SYK: variants seen among roughly 807,000 people sequenced by gnomAD.
SYK encodes the protein tyrosine-protein kinase SYK.
Under a neutral mutation model 77.8 loss-of-function variants are expected in SYK, and 16 were observed. That is an observed-to-expected ratio of 0.21 (90% CI 0.14 to 0.31). The LOEUF (loss-of-function observed/expected upper bound fraction) is 0.31, where lower values mean the gene tolerates loss of function less well. Ranked by LOEUF, SYK falls within the 10% of genes least tolerant of loss-of-function variation. The pLI is 1.00. For missense variants in SYK, 529 were observed against 814.4 expected, an observed-to-expected ratio of 0.65 and a Z score of 4.26; for synonymous variants, 312 against 308.7, an observed-to-expected ratio of 1.01 and a Z score of -0.11.
chr9:90,845,746 C>A, intron 3 of SYK, 152 bp downstream of exon 3: 1 of 858,366 alleles, frequency 1.2e-6, no homozygotes, highest in Non-Finnish European at 1.7e-6. Context: ...GTTCTAAAGA[C>A]ATTTCTAACC....
intron 1 of SYK, among the ~76,000 whole-genome samples, chr9:90,805,195 G>T (rs929222342): frequency 6.6e-6 from 1 of 152,256 alleles, no homozygotes; most frequent in Non-Finnish European, 1.5e-5. Flanking sequence ...GGTGGAGCAA[G>T]CGAGGACAGT....
chr9:90,855,403 C>A (rs974122182), intron 3 of SYK, among the ~76,000 whole-genome samples: 3 of 152,140 alleles, frequency 2.0e-5, no homozygotes, highest in Non-Finnish European at 2.9e-5. Flanking sequence ...GGTATGTTAT[C>A]TGGTGTCCCC....
intron 5 of SYK, among the ~76,000 whole-genome samples, 163 bp from the exon 6 acceptor site, chr9:90,864,885 A>T (rs978170777): frequency 2.0e-5 from 3 of 152,198 alleles, no homozygotes; most frequent in Admixed American, 6.5e-5. Flanking sequence ...TCTTCATTGC[A>T]TGCGGGAAAA....
intron 1 of SYK, among the ~76,000 whole-genome samples, chr9:90,818,785 G>A (rs935523753): frequency 1.3e-5 from 2 of 152,320 alleles, no homozygotes; most frequent in Non-Finnish European, 1.5e-5. Context: ...ATCTGCTCAA[G>A]GCTGGCTAGC....
chr9:90,860,066 G>A (rs893728748), intron 3 of SYK, among the ~76,000 whole-genome samples: 2 of 152,156 alleles, frequency 1.3e-5, no homozygotes, highest in African/African-American at 4.8e-5. Flanking sequence ...TTGGCTCACT[G>A]CAGCTTTCAC....
chr9:90,890,896 G>A (rs575087114), intron 13 of SYK, among the ~76,000 whole-genome samples: 1 of 152,276 alleles, frequency 6.6e-6, no homozygotes, highest in East Asian at 1.9e-4. Context: ...AAGAGCAGAG[G>A]TTTAATAGGC....
Position 90,828,235 on chromosome 9 carries a change from G to GCCCC in SYK, c.-41-15615_-41-15612dup, listed in dbSNP as rs60327886. Among the ~76,000 whole-genome samples, 153 of 55,390 alleles carry GCCCC rather than the reference G, an allele frequency of 2.8e-3. 1 individual carries two copies. Among genetic ancestry groups the GCCCC allele is most frequent in the South Asian group, 0.015 (19 of 1,260 alleles). The allele number at this position is 55,390 out of a possible 152,430, so 36.3% of individuals were successfully genotyped here. ...TGCAGTCTGCTGTGGCCTCACCCCC[G>GCCCC]CCCCCCCCCCCGCCCCGCCCAGGCC... On this transcript the variant is annotated intron_variant, in intron 1 of 13. Transcript: ENST00000375754.
At chr9:90,885,356 C>G (rs1828523070) in intron 11 of SYK, among the ~76,000 whole-genome samples, 1 of 152,042 alleles carries the variant, frequency 6.6e-6, no homozygotes, top group African/African-American at 2.4e-5. Flanking sequence ...AACAGAAATT[C>G]TGGAACTAAA....
In SYK at chr9:90,888,587, A is replaced by G. The variant is rs777894974; in HGVS notation, c.1795A>G (p.Arg599Gly). The change falls in exon 13 of 14, where the codon AGA becomes GGA. Residue 599 changes from arginine (R) to glycine (G), a missense_variant. By Grantham distance (125) the Arg-to-Gly change is moderately radical. This residue lies in a region of SYK where 208 missense variants were observed against 381.3 expected (regional missense o/e 0.55). Coordinates refer to ENST00000375754, the MANE Select transcript of SYK (RefSeq NM_003177.7). ...GATGGGGTGCCCTGCAGGGTGTCCA[A>G]GAGAGATGTACGATCTCATGAATCT... ...ERMGCPAGCP[R>G]EMYDLMNLCW... 1.2e-6 allele frequency: 2 copies of G among 1,611,300 alleles called. No homozygotes were observed. Among genetic ancestry groups the G allele is most frequent in the Non-Finnish European group, 1.7e-6 (2 of 1,178,958 alleles).
At chr9:90,861,568 GC>G (rs1827266108) in intron 3 of SYK, among the ~76,000 whole-genome samples, 3 of 112,798 alleles carry the variant, frequency 2.7e-5, no homozygotes, top group African/African-American at 9.7e-5. Context: ...TGGAAGTCCA[GC>G]CCTGCCTCCC....
At chr9:90,865,317 T>G (rs1192332119) in intron 6 of SYK, among the ~76,000 whole-genome samples, 3 of 152,024 alleles carry the variant, frequency 2.0e-5, no homozygotes, top group African/African-American at 7.2e-5. Flanking sequence ...TTTGCTTTTT[T>G]TTTTTGGAGA....
intron 1 of SYK, chr9:90,827,496 G>T (rs900809291): frequency 1.3e-5 from 2 of 152,212 alleles, no homozygotes; most frequent in Non-Finnish European, 2.9e-5. Context: ...ACTCCTCTCA[G>T]ATTTGTGTGC....
intron 2 of SYK, 139 bp downstream of exon 2, chr9:90,844,454 G>A: frequency 1.1e-6 from 1 of 942,784 alleles, no homozygotes; most frequent in Non-Finnish European, 1.5e-6. Context: ...ATCAATTTTG[G>A]CCAAAAAATG....
chr9:90,813,963 C>T (rs1393095727), intron 1 of SYK, among the ~76,000 whole-genome samples: 1 of 152,166 alleles, frequency 6.6e-6, no homozygotes, highest in Non-Finnish European at 1.5e-5. Context: ...CTCTAAAAGA[C>T]TTTGTTGCAT....
intron 3 of SYK, among the ~76,000 whole-genome samples, chr9:90,855,446 C>T (rs981266485): frequency 6.6e-6 from 1 of 152,100 alleles, no homozygotes; most frequent in African/African-American, 2.4e-5. Context: ...TGCTCCTGGA[C>T]GAGGGCTGTA....
At chr9:90,854,228 G>A (rs1233579511) in intron 3 of SYK, among the ~76,000 whole-genome samples, 1 of 152,210 alleles carries the variant, frequency 6.6e-6, no homozygotes, top group Non-Finnish European at 1.5e-5. Flanking sequence ...GAGAGATCCT[G>A]GCTGCTCAGC....
intron 1 of SYK, among the ~76,000 whole-genome samples, chr9:90,812,269 G>C (rs1346963380): frequency 6.6e-6 from 1 of 152,112 alleles, no homozygotes; most frequent in Non-Finnish European, 1.5e-5. Flanking sequence ...AGGTTTGCTT[G>C]GGGGGAAAGG....
chr9:90,841,707 ATG>A (rs1439442271), intron 1 of SYK, among the ~76,000 whole-genome samples: 1 of 139,370 alleles, frequency 7.2e-6, no homozygotes. Flanking sequence ...AGTATGTGTG[ATG>A]TGTGTAGTGT....
chr9:90,818,652 A>G (rs911901120), intron 1 of SYK, among the ~76,000 whole-genome samples: 6 of 152,246 alleles, frequency 3.9e-5, no homozygotes, highest in Non-Finnish European at 5.9e-5. Context: ...AATACAGAAC[A>G]GTGCAGTACC....
Sources: gnomAD v4.1 joint callset for allele counts (sites outside exome capture counted in the v4.1 genomes callset) on GRCh38, gnomAD v4.1.1 for gene constraint, gnomAD v4.1.1 regional missense constraint, MANE v1.5 for transcripts, NCBI Gene and HGNC (gene_info 2026-07-23, HGNC 2026-07-21) for gene names.